Variants in BBS9 observed in about 807,000 individuals in gnomAD.
The protein encoded by BBS9 is protein PTHB1.
In BBS9, 89 loss-of-function variants were observed where a neutral mutation model predicts 117.7. The ratio of observed to expected loss-of-function variants is 0.76; its 90% confidence interval spans 0.64 to 0.90. The LOEUF is 0.90. Among genes scored for constraint, BBS9 ranks in the 40% least tolerant of loss-of-function variants. The probability of loss-of-function intolerance (pLI) is 0.00; values close to 1 mark genes in which losing one functional copy is unlikely to be tolerated. For synonymous variants in BBS9, 379 were observed against 370.9 expected (o/e 1.02, Z -0.25); for missense variants, 982 against 1,042.2 (o/e 0.94, Z 0.80).
At chr7:33,129,376 A>G, upstream of BBS9, 1 of 415,568 alleles carries the variant, frequency 2.4e-6, no homozygotes, top group Non-Finnish European at 4.3e-6. Context: ...TGCAGTAATT[A>G]TCACTCTCTG....
intron 21 of BBS9, among the ~76,000 whole-genome samples, chr7:33,565,822 T>TATATACCG: frequency 2.0e-5 from 1 of 48,988 alleles, no homozygotes; most frequent in Non-Finnish European, 3.2e-5. Context: ...TATATATATA[T>TATATACCG]ATATACCGCT....
chr7:33,294,286 CTATCATCTATCTATCTATCTATCT>C (rs1192610864), intron 9 of BBS9, among the ~76,000 whole-genome samples: 15 of 149,300 alleles, frequency 1.0e-4, no homozygotes, highest in Non-Finnish European at 1.8e-4. Flanking sequence ...TTCCATCTAT[CTATCATCTATCTATCTATCTATCT>C]ATCTATCTAT....
At chr7:33,565,740 G>A (rs1354463327) in intron 21 of BBS9, among the ~76,000 whole-genome samples, 1 of 132,912 alleles carries the variant, frequency 7.5e-6, no homozygotes, top group Non-Finnish European at 1.6e-5. Flanking sequence ...TAGGGTTGAA[G>A]GCAGAGCCCA....
intron 16 of BBS9, among the ~76,000 whole-genome samples, chr7:33,359,025 A>C (rs1820140446): frequency 6.6e-6 from 1 of 151,816 alleles, no homozygotes; most frequent in South Asian, 2.1e-4. Flanking sequence ...TTGGAGATAT[A>C]TATGTATATA....
rs1372520656 is a variant in BBS9, at chr7:33,600,762, T to C, written c.2522-4103T>C. Among the ~76,000 whole-genome samples, 3 of 152,228 alleles carry C rather than the reference T, an allele frequency of 2.0e-5. No homozygotes were observed. The South Asian group carries it at 6.2e-4, about 32-fold the overall frequency. ...CTCCAGGGCTCACTATGGCTAAGGC[T>C]GGGGCTTCTGGTGCCCAGTCCTTCT... On this transcript the variant is annotated intron_variant, in intron 21 of 22. Coordinates refer to ENST00000242067, the MANE Select transcript of BBS9 (RefSeq NM_198428.3).
Position 33,152,848 on chromosome 7 carries a change from T to C in BBS9, c.260T>C (p.Val87Ala), listed in dbSNP as rs1343006020. 1.9e-6 allele frequency: 3 copies of C among 1,613,962 alleles called. No individual in the cohort carries two copies. The highest frequency in any genetic ancestry group is 2.5e-6 in the Non-Finnish European group (3 of 1,179,932). The change falls in exon 3 of 23, where the codon GTT (valine) becomes GCT (alanine). Residue 87 changes from valine (V) to alanine (A), a missense_variant. Physicochemically the swap from Val to Ala is moderately conservative, Grantham distance 64. Transcript: ENST00000242067. Reference protein sequence around the residue: ...PVLQVEVGKFVSGTEMLHLAV... With the variant: ...PVLQVEVGKFASGTEMLHLAV... ...CTTCAAGTGGAAGTAGGAAAGTTTG[T>C]TTCGTAAGTAAGCCCACTAATTCTG...
At chr7:33,236,674 TG>T (rs1167900257) in intron 5 of BBS9, among the ~76,000 whole-genome samples, 7 of 152,086 alleles carry the variant, frequency 4.6e-5, no homozygotes, top group Non-Finnish European at 8.8e-5. Flanking sequence ...TATATATTAA[TG>T]GGGTACAATG....
chr7:33,273,396 T>C (rs1205593802), intron 8 of BBS9, among the ~76,000 whole-genome samples: 1 of 152,214 alleles, frequency 6.6e-6, no homozygotes, highest in African/African-American at 2.4e-5. Flanking sequence ...CATTTTACTT[T>C]GTACAAAATG....
intron 21 of BBS9, among the ~76,000 whole-genome samples, chr7:33,567,745 G>A (rs1424079759): frequency 6.6e-6 from 1 of 152,156 alleles, no homozygotes; most frequent in Non-Finnish European, 1.5e-5. Flanking sequence ...TGTGACAGAA[G>A]TACCTTAATC....
At chr7:33,411,017 T>G (rs1450192351) in intron 19 of BBS9, among the ~76,000 whole-genome samples, 3 of 141,698 alleles carry the variant, frequency 2.1e-5, no homozygotes, top group Non-Finnish European at 4.5e-5. Context: ...TGGTGTTTTT[T>G]TTTTTTTTTT....
intron 5 of BBS9, among the ~76,000 whole-genome samples, chr7:33,221,040 TGTC>T (rs1452455671): frequency 6.6e-6 from 1 of 152,274 alleles, no homozygotes; most frequent in Non-Finnish European, 1.5e-5. Flanking sequence ...CTGCCTAGAT[TGTC>T]TTTACAGACT....
intron 19 of BBS9, among the ~76,000 whole-genome samples, chr7:33,397,824 G>T (rs1030951934): frequency 1.3e-5 from 2 of 152,100 alleles, no homozygotes; most frequent in African/African-American, 4.8e-5. Flanking sequence ...CTGTGGGAGT[G>T]GGGTCAGGGG....
intron 19 of BBS9, among the ~76,000 whole-genome samples, chr7:33,468,303 T>G (rs1375373102): frequency 1.3e-5 from 2 of 152,254 alleles, no homozygotes; most frequent in East Asian, 3.9e-4. Context: ...TGGCTTCATT[T>G]TATATTCTGC....
chr7:33,519,877 T>C (rs1848347324), intron 20 of BBS9, among the ~76,000 whole-genome samples: 1 of 152,196 alleles, frequency 6.6e-6, no homozygotes, highest in Non-Finnish European at 1.5e-5. Flanking sequence ...CTTTTAATAA[T>C]TATGACATTT....
chr7:33,386,929 A>G (rs1826141766), intron 18 of BBS9, among the ~76,000 whole-genome samples: 1 of 152,290 alleles, frequency 6.6e-6, no homozygotes, highest in African/African-American at 2.4e-5. Flanking sequence ...ATCTTTCTAG[A>G]AATATCCTAT....
chr7:33,477,537 G>A (rs115292562), intron 19 of BBS9, among the ~76,000 whole-genome samples: 340 of 152,208 alleles, frequency 2.2e-3, no homozygotes, highest in African/African-American at 7.9e-3. Context: ...TTGTGTGAAT[G>A]TAAGGACTTC....
intron 21 of BBS9, among the ~76,000 whole-genome samples, chr7:33,581,148 T>A (rs1225174159): frequency 6.6e-6 from 1 of 151,776 alleles, no homozygotes; most frequent in African/African-American, 2.4e-5. Flanking sequence ...TTTTATTTGT[T>A]TTTTTTTGTT....
intron 19 of BBS9, among the ~76,000 whole-genome samples, chr7:33,451,702 A>T (rs1837898913): frequency 6.6e-6 from 1 of 151,744 alleles, no homozygotes; most frequent in African/African-American, 2.4e-5. Flanking sequence ...GAAATTTAGA[A>T]TTTTCTTCCT....
At chr7:33,188,574 A>G (rs1783544815) in intron 5 of BBS9, among the ~76,000 whole-genome samples, 1 of 152,206 alleles carries the variant, frequency 6.6e-6, no homozygotes, top group African/African-American at 2.4e-5. Flanking sequence ...CACAGAGATT[A>G]AGGAATATAA....
Sources: allele counts gnomAD v4.1 joint callset (sites outside exome capture counted in the v4.1 genomes callset), GRCh38; gene constraint gnomAD v4.1.1; transcripts MANE v1.5; gene names NCBI Gene and HGNC (gene_info 2026-07-23, HGNC 2026-07-21).